Variants in CDT1 observed in about 807,000 individuals in gnomAD.
The protein encoded by CDT1 is chromatin licensing and DNA replication factor 1.
A neutral mutation model predicts 49.3 loss-of-function variants in CDT1; 66 were observed. The observed-to-expected ratio is 1.34, with a 90% CI of 1.10 to 1.64. The LOEUF (loss-of-function observed/expected upper bound fraction) is 1.64, where lower values mean the gene tolerates loss of function less well. Ranked by LOEUF, CDT1 falls within the 40% of genes most tolerant of loss-of-function variation. The probability of loss-of-function intolerance (pLI) is 0.00; values close to 1 mark genes in which losing one functional copy is unlikely to be tolerated. For missense variants in CDT1, 958 were observed against 807.7 expected, an observed-to-expected ratio of 1.19 and a Z score of -2.26; for synonymous variants, 424 against 347.4, an observed-to-expected ratio of 1.22 and a Z score of -2.45.
At position 88,804,855 on chromosome 16, in the gene CDT1, G is replaced by T. The variant is rs1341525912; in HGVS notation, c.445G>T (p.Glu149Ter). The T allele has an allele frequency of 1.9e-6, 3 of 1,609,228 alleles. No homozygotes were observed. The highest frequency in any genetic ancestry group is 4.5e-5 in the East Asian group (2 of 44,740). ...GAAGGCCAGTGCCCAGGATGCTGGG[G>T]AGTCCTGCACCCCAGAGGCCGAGGG... Reference protein sequence around the residue: ...ALKASAQDAGESCTPEAEGRP... With the variant: ...ALKASAQDAG Residue 149 changes from glutamate to a stop codon, truncating the protein, a stop_gained, in exon 3 of 10, where the codon GAG becomes TAG. Transcript: ENST00000301019. LOFTEE classifies it high-confidence loss of function.
chr16:88,808,409 G>A lies in CDT1; in HGVS notation c.*131G>A, dbSNP rs1908955735. The A allele has an allele frequency of 9.1e-7, 1 of 1,101,064 alleles. No homozygotes were observed. Among genetic ancestry groups the A allele is most frequent in the South Asian group, 1.5e-5 (1 of 65,182 alleles). The allele number at this position is 1,101,064 out of a possible 1,614,324, so 68.2% of individuals were successfully genotyped here. A position where few individuals can be genotyped will look rare whatever the true frequency, so the allele number is the denominator to read the frequency against. On this transcript the variant is annotated 3_prime_UTR_variant, in exon 10 of 10. Coordinates refer to ENST00000301019, the MANE Select transcript of CDT1 (RefSeq NM_030928.4). The stretch of plus-strand genomic sequence containing the variant: ...GCGCCCCTGAGGGCCAGAGGCAGAT[G>A]TGGGCTGCAGGCTGCACAGCCCGAG...
intron 1 of CDT1, 111 bp downstream of exon 1, chr16:88,804,170 G>A (rs1342836930): frequency 5.4e-6 from 4 of 738,544 alleles, no homozygotes; most frequent in East Asian, 7.3e-5. Context: ...GGAAACAGGC[G>A]GGGGGGACGG....
intron 9 of CDT1, among the ~76,000 whole-genome samples, chr16:88,807,888 G>C (rs1305326397): frequency 2.0e-5 from 3 of 152,216 alleles, no homozygotes; most frequent in African/African-American, 7.2e-5. Context: ...TCCATGCTCG[G>C]TGCCTCCTCA....
chr16:88,805,315 C>G, intron 3 of CDT1, 125 bp from the exon 4 acceptor site: 1 of 1,158,166 alleles, frequency 8.6e-7, no homozygotes, highest in East Asian at 2.5e-5. Context: ...TGTGCAAGGG[C>G]CGCGAAAGCC....
intron 7 of CDT1, 120 bp from the exon 8 acceptor site, chr16:88,806,930 CA>C (rs1908878202): frequency 1.4e-6 from 2 of 1,388,196 alleles, no homozygotes; most frequent in Non-Finnish European, 2.0e-6. Flanking sequence ...CATTGACCGG[CA>C]CAGACCACCC....
intron 7 of CDT1, 130 bp downstream of exon 7, chr16:88,806,804 CAG>C: frequency 7.7e-7 from 1 of 1,300,932 alleles, no homozygotes; most frequent in Non-Finnish European, 1.1e-6. Context: ...CTGGCGGATC[CAG>C]AGAGTTGGTG....
chr16:88,804,649 G>C lies in CDT1; in HGVS notation c.333G>C (p.Leu111=). 4 of 1,612,602 alleles carry C rather than the reference G, an allele frequency of 2.5e-6. No homozygotes were observed. In the South Asian group the frequency reaches 3.3e-5, roughly 13 times the overall value. The part of the protein sequence containing the change: ...STPAAGQPPH[L]TSAQDQDTIS... ...CGGCAGCAGGTCAGCCGCCCCACCT[G>C]ACATCCGCGCAGGACCAGGTGAGGG... The change falls in exon 2 of 10, where the codon CTG becomes CTC. Residue 111 remains leucine, a synonymous_variant. Coordinates refer to ENST00000301019, the MANE Select transcript of CDT1 (RefSeq NM_030928.4).
chr16:88,805,110 C>T (rs917889032), intron 3 of CDT1, among the ~76,000 whole-genome samples: 2 of 152,220 alleles, frequency 1.3e-5, no homozygotes, highest in African/African-American at 4.8e-5. Flanking sequence ...GCTCCTGCCT[C>T]GGGGACTCTG....
At position 88,804,906 on chromosome 16, in the gene CDT1, C is replaced by T. The variant is rs1908792754; in HGVS notation, c.488+8C>T. The T allele has an allele frequency of 5.2e-6, 8 of 1,550,248 alleles. No individual in the cohort carries two copies. Among genetic ancestry groups the T allele is most frequent in the Non-Finnish European group, 6.9e-6 (8 of 1,152,990 alleles). ...CCGCCCTGAGGAGCCATGGTGAGTG[C>T]TGGGTGGGCGGCCACGAGGCCCCGG... On this transcript the variant is annotated splice_region_variant and intron_variant, in intron 3 of 9. Coordinates refer to ENST00000301019, the MANE Select transcript of CDT1 (RefSeq NM_030928.4).
rs1908957878 is a variant in CDT1, at chr16:88,808,457, G to T, written c.*179G>T. 1 of 679,224 alleles carries T rather than the reference G, an allele frequency of 1.5e-6. No homozygotes were observed. The highest frequency in any genetic ancestry group is 1.9e-5 in the South Asian group (1 of 51,782). 42.1% of individuals were successfully genotyped at this position (679,224 alleles called of 1,614,324 possible). A position where few individuals can be genotyped will look rare whatever the true frequency, so the allele number is the denominator to read the frequency against. ...GAGGGTCTCTGGCTGCGGGCGGTGGGCCCCTTCATGGGGCTCACCTGGTGG... is the reference window on the plus strand; with the variant it reads ...GAGGGTCTCTGGCTGCGGGCGGTGGTCCCCTTCATGGGGCTCACCTGGTGG... On this transcript the variant is annotated 3_prime_UTR_variant, in exon 10 of 10. Coordinates refer to ENST00000301019, the MANE Select transcript of CDT1 (RefSeq NM_030928.4).
rs763968687 is a variant in CDT1, at chr16:88,808,219, G to T, written c.1582G>T (p.Asp528Tyr). ...CTACGTCAAGCTGGACAAGGCCGCG[G>T]ACCTCGCCCACATCACTGCACGCCT... ...DTYVKLDKAADLAHITARLAH... is the reference protein window; with the variant it reads ...DTYVKLDKAAYLAHITARLAH... Residue 528 changes from aspartate to tyrosine, a missense_variant, in exon 10 of 10, where the codon GAC (aspartate) becomes TAC (tyrosine). Physicochemically the swap from Asp to Tyr is radical, Grantham distance 160. Coordinates refer to ENST00000301019, the MANE Select transcript of CDT1 (RefSeq NM_030928.4). 6.2e-7 allele frequency: 1 copy of T among 1,610,702 alleles called. No homozygotes were observed. The highest frequency in any genetic ancestry group is 8.5e-7 in the Non-Finnish European group (1 of 1,179,058).
Position 88,806,471 on chromosome 16 carries a change from ACTC to A in CDT1, c.934-12_934-10del. The A allele has an allele frequency of 6.2e-7, 1 of 1,608,764 alleles. No homozygotes were observed. Reference sequence around the variant, plus strand: ...CAGATGTGCCCAGGGTCACCCATCTACTCCTTCTCCCCAGGCCTTCCTGGCCTC... The same window carrying A: ...CAGATGTGCCCAGGGTCACCCATCTACTTCTCCCCAGGCCTTCCTGGCCTC... On this transcript the variant is annotated splice_polypyrimidine_tract_variant and intron_variant, in intron 6 of 9. Coordinates refer to ENST00000301019, the MANE Select transcript of CDT1 (RefSeq NM_030928.4).
Position 88,803,830 on chromosome 16 carries a change from C to T in CDT1, c.-2C>T. On this transcript the variant is annotated 5_prime_UTR_variant, in exon 1 of 10. Transcript: ENST00000301019. ...CTTGCTTTCGCCGCGCACTCCGCCG[C>T]CATGGAGCAGCGCCGCGTCACCGAC... The T allele has an allele frequency of 6.6e-7, 1 of 1,516,768 alleles. No homozygotes were observed. Among genetic ancestry groups the T allele is most frequent in the Non-Finnish European group, 8.8e-7 (1 of 1,133,392 alleles). The allele number at this position is 1,516,768 out of a possible 1,614,324, so 94.0% of individuals were successfully genotyped here.
Position 88,805,761 on chromosome 16 carries a change from G to A in CDT1, c.724G>A (p.Val242Met), listed in dbSNP as rs766150941. Reference protein sequence around the residue: ...EECNVGQIKTVYPASYRFRQE... With the variant: ...EECNVGQIKTMYPASYRFRQE... The stretch of plus-strand genomic sequence containing the variant: ...GTGCAATGTTGGCCAGATCAAAACC[G>A]TGTACCCGGCCTCCTACCGCTTCCG... The change falls in exon 5 of 10, where the codon GTG (valine) becomes ATG (methionine). Residue 242 changes from valine to methionine, a missense_variant. Transcript: ENST00000301019. The A allele has an allele frequency of 8.7e-6, 14 of 1,612,954 alleles. No homozygotes were observed. Among genetic ancestry groups the A allele is most frequent in the Admixed American group, 5.0e-5 (3 of 60,006 alleles).
Position 88,804,557 on chromosome 16 carries a change from A to G in CDT1, c.241A>G (p.Ser81Gly). 1 of 1,612,494 alleles carries G rather than the reference A, an allele frequency of 6.2e-7. No homozygotes were observed. Among genetic ancestry groups the G allele is most frequent in the Non-Finnish European group, 8.5e-7 (1 of 1,179,592 alleles). Residue 81 changes from serine to glycine, a missense_variant, in exon 2 of 10, where the codon AGT (serine) becomes GGT (glycine). Coordinates refer to ENST00000301019, the MANE Select transcript of CDT1 (RefSeq NM_030928.4). Reference protein sequence around the residue: ...RLSVDEVSSPSTPEAPDIPAC... With the variant: ...RLSVDEVSSPGTPEAPDIPAC... ...TCCCTCCCACCAGGTTTCCAGCCCCAGTACCCCCGAGGCCCCAGACATCCC... is the reference window on the plus strand; with the variant it reads ...TCCCTCCCACCAGGTTTCCAGCCCCGGTACCCCCGAGGCCCCAGACATCCC...
chr16:88,807,249 G>C (rs1055533430), intron 8 of CDT1, 32 bp from the exon 9 acceptor site: 14 of 1,611,146 alleles, frequency 8.7e-6, no homozygotes, highest in Non-Finnish European at 1.2e-5. Context: ...GTGACCTGCT[G>C]CCCACTAACC....
chr16:88,804,695 G>T (rs781650640), intron 2 of CDT1, 28 bp downstream of exon 2: 2 of 1,612,232 alleles, frequency 1.2e-6, no homozygotes, highest in Admixed American at 3.3e-5. Context: ...GGGCAGATGC[G>T]GGAGGGCTGA....
intron 6 of CDT1, 171 bp from the exon 7 acceptor site, chr16:88,806,315 G>A (rs548035539): frequency 1.0e-5 from 10 of 997,744 alleles, no homozygotes; most frequent in African/African-American, 3.2e-5. Context: ...GGCGTTCAGC[G>A]AGCGCGGACC....
rs1342162490 is a variant in CDT1, at chr16:88,803,937, G to T, written c.106G>T (p.Ala36Ser). 1.4e-6 allele frequency: 2 copies of T among 1,396,236 alleles called. No homozygotes were observed. The highest frequency in any genetic ancestry group is 9.3e-7 in the Non-Finnish European group (1 of 1,075,156). The allele number at this position is 1,396,236 out of a possible 1,614,324, so 86.5% of individuals were successfully genotyped here. The change falls in exon 1 of 10, where the codon GCA (alanine) becomes TCA (serine). Residue 36 changes from alanine to serine, a missense_variant. Ala to Ser is a moderately conservative substitution (Grantham distance 99, BLOSUM62 1). Coordinates refer to ENST00000301019, the MANE Select transcript of CDT1 (RefSeq NM_030928.4). ...ACRTPSPARPALRAPASATSG... is the reference protein window; with the variant it reads ...ACRTPSPARPSLRAPASATSG... ...CCGCACCCCCAGCCCCGCCAGGCCC[G>T]CACTCCGCGCCCCGGCCTCCGCTAC... is the stretch of plus-strand genomic sequence containing the variant.
Sources: allele counts gnomAD v4.1 joint callset (sites outside exome capture counted in the v4.1 genomes callset), GRCh38; gene constraint gnomAD v4.1.1; transcripts MANE v1.5; gene names NCBI Gene and HGNC (gene_info 2026-07-23, HGNC 2026-07-21).